Variants in CDK6 observed in about 807,000 individuals in gnomAD.
CDK6 encodes cyclin dependent kinase 6, also known as cyclin-dependent kinase 6.
Under a neutral mutation model 37.1 loss-of-function variants are expected in CDK6, and 6 were observed. The observed-to-expected ratio is 0.16, with a 90% CI of 0.09 to 0.32. The LOEUF is 0.32. CDK6 is among the 10% of genes least tolerant of loss of function. The pLI, the probability that CDK6 is intolerant of heterozygous loss-of-function variation, is 1.00. For missense variants in CDK6, 224 were observed against 418.9 expected (o/e 0.53, Z 4.06); for synonymous variants, 160 against 161.3 (o/e 0.99, Z 0.06).
intron 5 of CDK6, among the ~76,000 whole-genome samples, chr7:92,658,809 G>A (rs1042197412): frequency 6.6e-6 from 1 of 152,100 alleles, no homozygotes; most frequent in African/African-American, 2.4e-5. Flanking sequence ...CTCCTACTTT[G>A]ATCCTTCGTA....
Position 92,612,389 on chromosome 7 carries a change from TA to T in CDK6, c.*2750del, listed in dbSNP as rs369982830. The T allele has an allele frequency of 1.6e-3, 371 of 233,204 alleles. 2 individuals carry two copies. The highest frequency in any genetic ancestry group is 7.3e-3 in the African/African-American group (332 of 45,480). The allele number at this position is 233,204 out of a possible 1,614,324, so 14.4% of individuals were successfully genotyped here. A position where few individuals can be genotyped will look rare whatever the true frequency, so the allele number is the denominator to read the frequency against. Reference sequence around the variant, plus strand: ...TTACAGAAGAATAAGCTGTAGTCACTAAGTTCTTACTCTACTATCTGCTTCA... The same window carrying T: ...TTACAGAAGAATAAGCTGTAGTCACTAGTTCTTACTCTACTATCTGCTTCA... On this transcript the variant is annotated 3_prime_UTR_variant, in exon 8 of 8. Coordinates refer to ENST00000424848, the MANE Select transcript of CDK6 (RefSeq NM_001145306.2).
chr7:92,626,251 A>G (rs563618739), intron 5 of CDK6, among the ~76,000 whole-genome samples: 1 of 152,186 alleles, frequency 6.6e-6, no homozygotes, highest in South Asian at 2.1e-4. Flanking sequence ...TTCAAAGTAT[A>G]TAATTATAAT....
intron 4 of CDK6, among the ~76,000 whole-genome samples, chr7:92,671,789 A>T (rs987007428): frequency 8.5e-5 from 13 of 152,294 alleles, no homozygotes; most frequent in Admixed American, 8.5e-4. Context: ...TGAGTTTCAG[A>T]AAGCAAAGAC....
chr7:92,635,862 C>T (rs887825591), intron 5 of CDK6, among the ~76,000 whole-genome samples: 2 of 152,016 alleles, frequency 1.3e-5, no homozygotes, highest in African/African-American at 2.4e-5. Context: ...GGGATAAATG[C>T]GTTTCCTTAT....
At chr7:92,750,724 C>T (rs1012980611) in intron 3 of CDK6, among the ~76,000 whole-genome samples, 1 of 152,182 alleles carries the variant, frequency 6.6e-6, no homozygotes, top group Non-Finnish European at 1.5e-5. Context: ...CCTGACAGAA[C>T]AACTGGAATG....
intron 5 of CDK6, among the ~76,000 whole-genome samples, chr7:92,638,413 G>A (rs970945808): frequency 1.3e-5 from 2 of 152,158 alleles, no homozygotes; most frequent in African/African-American, 4.8e-5. Context: ...ACTCATTTGA[G>A]GCTGAACTTT....
intron 6 of CDK6, among the ~76,000 whole-genome samples, chr7:92,619,338 A>G (rs969016808): frequency 6.6e-5 from 10 of 152,202 alleles, no homozygotes; most frequent in Non-Finnish European, 1.5e-4. Flanking sequence ...TAGTTTACAT[A>G]TAGGTCGTAA....
At chr7:92,770,128 G>A (rs1416996337) in intron 3 of CDK6, among the ~76,000 whole-genome samples, 3 of 152,094 alleles carry the variant, frequency 2.0e-5, no homozygotes, top group Non-Finnish European at 4.4e-5. Flanking sequence ...AGGAAAGCCA[G>A]ATATGTCAAC....
intron 2 of CDK6, among the ~76,000 whole-genome samples, chr7:92,805,523 C>T (rs1237607073): frequency 1.3e-5 from 2 of 152,068 alleles, no homozygotes; most frequent in Non-Finnish European, 2.9e-5. Flanking sequence ...TCTTCATAAA[C>T]TCCCTCAGTG....
At position 92,630,352 on chromosome 7, in the gene CDK6, G is replaced by A. The variant is rs1020616225; in HGVS notation, c.648-7266C>T. On this transcript the variant is annotated intron_variant, in intron 5 of 7. Transcript: ENST00000424848. The stretch of plus-strand genomic sequence containing the variant: ...TTATCTCTTGCTCTCCAATCACACT[G>A]TTCAGGGGGATTCTTAAGGCTGGGA... Among the ~76,000 whole-genome samples the A allele has an allele frequency of 4.0e-5, 6 of 151,252 alleles. No individual in the cohort carries two copies. In the East Asian group the frequency reaches 9.7e-4, roughly 24 times the overall value.
chr7:92,689,979 TC>T (rs1797565717), intron 4 of CDK6, among the ~76,000 whole-genome samples: 1 of 152,170 alleles, frequency 6.6e-6, no homozygotes, highest in Non-Finnish European at 1.5e-5. Context: ...TCGTTTTTTT[TC>T]CTTGTAAATT....
At chr7:92,761,863 T>C (rs1799464112) in intron 3 of CDK6, among the ~76,000 whole-genome samples, 1 of 152,242 alleles carries the variant, frequency 6.6e-6, no homozygotes. Context: ...TTTTTCTTAA[T>C]TCACTCTAAT....
At position 92,834,318 on chromosome 7, in the gene CDK6, C is replaced by G. The variant is rs938439739; in HGVS notation, c.-367-628G>C. Among the ~76,000 whole-genome samples, 1 of 152,026 alleles carries G rather than the reference C, an allele frequency of 6.6e-6. No individual in the cohort carries two copies. Among genetic ancestry groups the G allele is most frequent in the Non-Finnish European group, 1.5e-5 (1 of 67,986 alleles). On this transcript the variant is annotated intron_variant, in intron 1 of 7. Coordinates refer to ENST00000424848, the MANE Select transcript of CDK6 (RefSeq NM_001145306.2). This position sits in a 1 kb window ranked among gnomAD's most constrained non-coding sequence, Gnocchi z 4.6. ...TTTCTTTCTACTTTCAGTTTTTCTA[C>G]GAGGAGACATTTAAAAACGACTCGC...
chr7:92,717,585 G>T (rs1359177325), intron 4 of CDK6, among the ~76,000 whole-genome samples: 6 of 152,280 alleles, frequency 3.9e-5, no homozygotes, highest in South Asian at 2.1e-4. Flanking sequence ...ATAGATGCTG[G>T]CTGAACAAAT....
At chr7:92,669,170 G>C (rs1429174255) in intron 5 of CDK6, among the ~76,000 whole-genome samples, 1 of 152,192 alleles carries the variant, frequency 6.6e-6, no homozygotes, top group Non-Finnish European at 1.5e-5. Context: ...TTGGAACATA[G>C]AATGAATTTT....
intron 3 of CDK6, among the ~76,000 whole-genome samples, chr7:92,734,273 T>C (rs1798729595): frequency 6.6e-6 from 1 of 152,154 alleles, no homozygotes; most frequent in African/African-American, 2.4e-5. Context: ...GCCTTCTCCT[T>C]CCTCACATAT....
At chr7:92,758,157 G>A (rs1298929941) in intron 3 of CDK6, among the ~76,000 whole-genome samples, 1 of 151,898 alleles carries the variant, frequency 6.6e-6, no homozygotes, top group Non-Finnish European at 1.5e-5. Context: ...CTTAATTAGA[G>A]CTCACTTGTC....
At chr7:92,828,059 CTCTT>C (rs1175530090) in intron 2 of CDK6, among the ~76,000 whole-genome samples, 3 of 151,970 alleles carry the variant, frequency 2.0e-5, no homozygotes, top group Non-Finnish European at 2.9e-5. Flanking sequence ...TTTCCTACTC[CTCTT>C]TGTCTAAAAT....
chr7:92,631,044 C>T (rs997310743), intron 5 of CDK6, among the ~76,000 whole-genome samples: 2 of 152,278 alleles, frequency 1.3e-5, no homozygotes, highest in South Asian at 2.1e-4. Flanking sequence ...ACATAATAAA[C>T]TTATTCTGTC....
Sources: gnomAD v4.1 joint callset for allele counts (sites outside exome capture counted in the v4.1 genomes callset) on GRCh38, gnomAD v4.1.1 for gene constraint, Gnocchi (gnomAD v3.1) non-coding constraint, MANE v1.5 for transcripts, NCBI Gene and HGNC (gene_info 2026-07-23, HGNC 2026-07-21) for gene names.